ZFHX3: variants seen among roughly 807,000 people sequenced by gnomAD.
ZFHX3 encodes the protein zinc finger homeobox protein 3.
In ZFHX3, 42 loss-of-function variants were observed where a neutral mutation model predicts 279.1. The observed-to-expected ratio is 0.15, with a 90% CI of 0.12 to 0.19. The LOEUF is 0.19. ZFHX3 is among the 10% of genes least tolerant of loss of function. The probability of loss-of-function intolerance (pLI) is 1.00; values close to 1 mark genes in which losing one functional copy is unlikely to be tolerated. For missense variants in ZFHX3, 4,981 were observed against 4,754.0 expected (o/e 1.05, Z -1.40); for synonymous variants, 2,293 against 1,957.8 (o/e 1.17, Z -4.52).
At chr16:73,820,014 T>C (rs769299719) in intron 1 of ZFHX3, among the ~76,000 whole-genome samples, 3 of 152,188 alleles carry the variant, frequency 2.0e-5, no homozygotes, top group Non-Finnish European at 4.4e-5. Flanking sequence ...TGAGGTTTCT[T>C]TCTCCATCTC....
intron 2 of ZFHX3, among the ~76,000 whole-genome samples, chr16:73,524,561 C>A (rs1214080785): frequency 6.6e-6 from 1 of 152,198 alleles, no homozygotes; most frequent in Non-Finnish European, 1.5e-5. Context: ...GTTCTTGATT[C>A]TCACGTTCTG....
intron 4 of ZFHX3, among the ~76,000 whole-genome samples, chr16:73,304,545 G>A (rs1350791272): frequency 2.0e-5 from 3 of 152,046 alleles, no homozygotes; most frequent in Non-Finnish European, 4.4e-5. Context: ...CTCTCTCCCC[G>A]CACATTAGCC....
intron 2 of ZFHX3, among the ~76,000 whole-genome samples, chr16:72,955,536 T>C (rs2144419692): frequency 6.6e-6 from 1 of 152,336 alleles, no homozygotes; most frequent in East Asian, 1.9e-4. Flanking sequence ...CCCAGCACTT[T>C]GGGAGGCCAA....
chr16:73,179,534 T>A (rs1967744662), intron 5 of ZFHX3, among the ~76,000 whole-genome samples: 1 of 151,880 alleles, frequency 6.6e-6, no homozygotes. Context: ...TAAAAAAAAA[T>A]AATAGAACTA....
chr16:73,078,290 C>T (rs1282196537), intron 8 of ZFHX3, among the ~76,000 whole-genome samples: 1 of 152,182 alleles, frequency 6.6e-6, no homozygotes, highest in Non-Finnish European at 1.5e-5. Flanking sequence ...ATACGCCTGG[C>T]ACAGAGACAA....
intron 3 of ZFHX3, among the ~76,000 whole-genome samples, chr16:73,381,947 A>T (rs2016824796): frequency 6.6e-6 from 1 of 152,218 alleles, no homozygotes; most frequent in Admixed American, 6.5e-5. Flanking sequence ...TGCTGCTAGT[A>T]CACAACTCTG....
At chr16:72,940,522 G>C (rs995945105) in intron 3 of ZFHX3, among the ~76,000 whole-genome samples, 1 of 152,168 alleles carries the variant, frequency 6.6e-6, no homozygotes, top group Admixed American at 6.5e-5. Context: ...ATGCCCCGGT[G>C]TGACACGTGC....
At chr16:73,421,432 A>G (rs573386944) in intron 3 of ZFHX3, 1 of 152,372 alleles carries the variant, frequency 6.6e-6, no homozygotes. Context: ...TGTGATGCTA[A>G]CAAGACGTGA....
intron 5 of ZFHX3, among the ~76,000 whole-genome samples, chr16:72,825,868 A>G (rs1422398445): frequency 6.6e-6 from 1 of 152,234 alleles, no homozygotes; most frequent in Non-Finnish European, 1.5e-5. Flanking sequence ...CAATAGCCAT[A>G]TGTGGTAAAT....
chr16:73,884,174 C>T (rs2030271823), intron 1 of ZFHX3, among the ~76,000 whole-genome samples: 2 of 152,090 alleles, frequency 1.3e-5, no homozygotes, highest in Admixed American at 6.6e-5. Context: ...TTATTTTTCT[C>T]ATTGTGTATC....
chr16:73,309,655 G>A (rs2015276923), intron 4 of ZFHX3, among the ~76,000 whole-genome samples: 1 of 152,192 alleles, frequency 6.6e-6, no homozygotes, highest in African/African-American at 2.4e-5. Context: ...ATGGGAACAT[G>A]TTTTGACAAA....
At chr16:73,186,310 A>G (rs540540176) in intron 5 of ZFHX3, among the ~76,000 whole-genome samples, 2 of 152,230 alleles carry the variant, frequency 1.3e-5, no homozygotes, top group Non-Finnish European at 2.9e-5. Context: ...AAGATTTGGG[A>G]CTGCTGCCCT....
intron 7 of ZFHX3, among the ~76,000 whole-genome samples, chr16:72,802,135 C>CT (rs1456584616): frequency 6.6e-6 from 1 of 152,092 alleles, no homozygotes; most frequent in East Asian, 1.9e-4. Flanking sequence ...GACATCCCCT[C>CT]TAACAGACTC....
chr16:72,974,833 G>T (rs1375808870), intron 1 of ZFHX3, among the ~76,000 whole-genome samples: 1 of 152,168 alleles, frequency 6.6e-6, no homozygotes, highest in Non-Finnish European at 1.5e-5. Context: ...ACCCCTTTGG[G>T]ATGTGCGTAC....
intron 4 of ZFHX3, among the ~76,000 whole-genome samples, chr16:72,844,986 G>A (rs986941080): frequency 2.0e-5 from 3 of 152,034 alleles, no homozygotes; most frequent in African/African-American, 7.3e-5. Flanking sequence ...CAGAACTGAA[G>A]GTGAACAAAC....
rs147075895 is a variant in ZFHX3, at chr16:72,797,129, C to A, written c.5553G>T (p.Pro1851=). 9.9e-6 allele frequency: 16 copies of A among 1,613,662 alleles called. No individual in the cohort carries two copies. The highest frequency in any genetic ancestry group is 9.3e-5 in the African/African-American group (7 of 74,888). ...VPQQSHQQIL[P]QQQQNQLSIA... is the part of the protein sequence containing the mutation. ...TAGAGAGTTGGTTCTGCTGCTGCTGCGGCAAGATCTGCTGATGGCTCTGCT... is the reference window on the plus strand; with the variant it reads ...TAGAGAGTTGGTTCTGCTGCTGCTGAGGCAAGATCTGCTGATGGCTCTGCT... Residue 1851 remains proline (P), a synonymous_variant, in exon 9 of 10, where the codon CCG becomes CCT. Transcript: ENST00000268489.
intron 3 of ZFHX3, among the ~76,000 whole-genome samples, chr16:73,418,324 C>T (rs933354960): frequency 6.7e-6 from 1 of 148,624 alleles, no homozygotes; most frequent in Non-Finnish European, 1.5e-5. Flanking sequence ...GACTTTGGGG[C>T]AGCCGCCCTA....
rs894875875 is a variant in ZFHX3 at position 73,665,904 on chromosome 16, C to T, written c.-1547+14276G>A. 1.3e-5 allele frequency among the ~76,000 whole-genome samples: 2 copies of T among 150,578 alleles called. 1 individual carries two copies. Among genetic ancestry groups the T allele is most frequent in the South Asian group, 4.2e-4 (2 of 4,780 alleles). The stretch of plus-strand genomic sequence containing the variant: ...CGCCCAGGCTCACTGCAAGGTCTGC[C>T]TCCCGGGTTCATGCCATTCTTCTGC... On this transcript the variant is annotated intron_variant, in intron 2 of 17. Coordinates refer to the ZFHX3 transcript ENST00000641206.
At chr16:73,839,945 C>G (rs79024435) in intron 1 of ZFHX3, among the ~76,000 whole-genome samples, 1,845 of 152,320 alleles carry the variant, frequency 0.012, 69 homozygotes, top group Admixed American at 0.073. Flanking sequence ...GTCTTCTCTT[C>G]TCCATTTCCC....
Sources: gnomAD v4.1 joint callset for allele counts (sites outside exome capture counted in the v4.1 genomes callset) on GRCh38, gnomAD v4.1.1 for gene constraint, MANE v1.5 for transcripts, NCBI Gene and HGNC (gene_info 2026-07-23, HGNC 2026-07-21) for gene names.